Variants in GRIK2 observed in about 807,000 individuals in gnomAD.
GRIK2 encodes the protein glutamate receptor ionotropic, kainate 2.
Under a neutral mutation model 100.3 loss-of-function variants are expected in GRIK2, and 32 were observed. That is an observed-to-expected ratio of 0.32 (90% confidence interval 0.24 to 0.43). The LOEUF (loss-of-function observed/expected upper bound fraction) is 0.43. GRIK2 is among the 20% of genes least tolerant of loss of function. The pLI, the probability that GRIK2 is intolerant of heterozygous loss-of-function variation, is 1.00. For synonymous variants in GRIK2, 417 were observed against 389.4 expected, an observed-to-expected ratio of 1.07 and a Z score of -0.83; for missense variants, 843 against 1,114.9, an observed-to-expected ratio of 0.76 and a Z score of 3.47.
chr6:101,536,711 T>C (rs966309880), intron 2 of GRIK2, among the ~76,000 whole-genome samples: 2 of 151,592 alleles, frequency 1.3e-5, no homozygotes, highest in African/African-American at 4.8e-5. Context: ...TTTAGATAAA[T>C]ATTTACCAAC....
At chr6:101,785,791 G>T (rs975875504) in intron 7 of GRIK2, among the ~76,000 whole-genome samples, 1 of 151,776 alleles carries the variant, frequency 6.6e-6, no homozygotes, top group Non-Finnish European at 1.5e-5. Flanking sequence ...GGATTGCTTT[G>T]GTTATTCAGG....
At chr6:101,867,480 G>A (rs1317530139) in intron 11 of GRIK2, among the ~76,000 whole-genome samples, 1 of 151,582 alleles carries the variant, frequency 6.6e-6, no homozygotes, top group Non-Finnish European at 1.5e-5. Context: ...ATTTAATCCA[G>A]AAACATGGTC....
rs1232401753 is a variant in GRIK2, at chr6:101,409,145, TG to T, written c.115+9754del. Among the ~76,000 whole-genome samples the T allele has an allele frequency of 4.1e-5, 6 of 146,996 alleles. No homozygotes were observed. In the East Asian group the frequency reaches 1.2e-3, roughly 30 times the overall value. ...GTGTGTGTGTGTGTGTGTGTGTGTGTGTGTGTGTACAGTTAAGATTATAATA... is the reference window on the plus strand; with the variant it reads ...GTGTGTGTGTGTGTGTGTGTGTGTGTTGTGTGTACAGTTAAGATTATAATA... On this transcript the variant is annotated intron_variant, in intron 2 of 16. Coordinates refer to ENST00000369134, the MANE Select transcript of GRIK2 (RefSeq NM_021956.5).
At chr6:101,562,930 A>T (rs1203763510) in intron 2 of GRIK2, among the ~76,000 whole-genome samples, 1 of 152,166 alleles carries the variant, frequency 6.6e-6, no homozygotes, top group Non-Finnish European at 1.5e-5. Flanking sequence ...AAACAAAACT[A>T]GTAGATATGA....
At chr6:101,671,070 C>T (rs1219683131) in intron 4 of GRIK2, among the ~76,000 whole-genome samples, 2 of 152,004 alleles carry the variant, frequency 1.3e-5, no homozygotes, top group Non-Finnish European at 2.9e-5. Flanking sequence ...TTTTTATTTT[C>T]TTTATTCACC....
chr6:101,766,837 C>G (rs994125817), intron 7 of GRIK2, among the ~76,000 whole-genome samples: 2 of 152,180 alleles, frequency 1.3e-5, no homozygotes, highest in African/African-American at 4.8e-5. Context: ...CTTTATGATA[C>G]TACTTGATTA....
intron 2 of GRIK2, among the ~76,000 whole-genome samples, chr6:101,510,993 CTT>C (rs1181509771): frequency 6.6e-6 from 1 of 152,086 alleles, no homozygotes; most frequent in Non-Finnish European, 1.5e-5. Context: ...CATGGGGAGA[CTT>C]TATCAAATCA....
intron 9 of GRIK2, among the ~76,000 whole-genome samples, chr6:101,811,472 G>A (rs1398360726): frequency 6.6e-6 from 1 of 151,948 alleles, no homozygotes; most frequent in East Asian, 1.9e-4. Context: ...AATTTTGATA[G>A]ATTTGTATCA....
intron 12 of GRIK2, among the ~76,000 whole-genome samples, chr6:101,917,727 T>C (rs1473857151): frequency 6.6e-6 from 1 of 151,506 alleles, no homozygotes; most frequent in Non-Finnish European, 1.5e-5. Context: ...TATTCTTTTT[T>C]CCCCACAAAT....
At chr6:102,017,831 G>A (rs1045736792) in intron 14 of GRIK2, among the ~76,000 whole-genome samples, 2 of 152,040 alleles carry the variant, frequency 1.3e-5, no homozygotes, top group African/African-American at 4.8e-5. Flanking sequence ...AACCATGAAA[G>A]TCTCATTATT....
intron 7 of GRIK2, among the ~76,000 whole-genome samples, chr6:101,723,356 A>G (rs767814518): frequency 6.6e-6 from 1 of 152,084 alleles, no homozygotes; most frequent in Non-Finnish European, 1.5e-5. Context: ...ACTATGAGTC[A>G]TAGTGGCAAA....
chr6:101,901,534 A>G (rs1013809179), intron 12 of GRIK2, among the ~76,000 whole-genome samples: 17 of 151,852 alleles, frequency 1.1e-4, no homozygotes, highest in Non-Finnish European at 4.4e-5. Flanking sequence ...TAATCTCATA[A>G]CAATAAGGAA....
At chr6:101,493,876 T>C (rs563400639) in intron 2 of GRIK2, among the ~76,000 whole-genome samples, 1 of 148,734 alleles carries the variant, frequency 6.7e-6, no homozygotes, top group South Asian at 2.1e-4. Context: ...AAAAACTATT[T>C]CAAAGTTTTA....
chr6:101,657,962 T>G (rs1253121411), intron 4 of GRIK2, among the ~76,000 whole-genome samples: 1 of 152,116 alleles, frequency 6.6e-6, no homozygotes, highest in East Asian at 1.9e-4. Flanking sequence ...ATAATCTCCT[T>G]TCTATTAGTA....
At chr6:101,514,464 T>C (rs1054461837) in intron 2 of GRIK2, among the ~76,000 whole-genome samples, 1 of 151,788 alleles carries the variant, frequency 6.6e-6, no homozygotes, top group African/African-American at 2.4e-5. Context: ...AAAGAGGAGG[T>C]CCCCCTTAAA....
intron 7 of GRIK2, among the ~76,000 whole-genome samples, chr6:101,740,713 G>T (rs1225756141): frequency 2.0e-5 from 3 of 152,176 alleles, no homozygotes; most frequent in African/African-American, 7.2e-5. Context: ...TGCTTCTTGT[G>T]AGGACCTCTG....
At chr6:102,052,172 A>G (rs1157741470) in intron 15 of GRIK2, among the ~76,000 whole-genome samples, 2 of 152,202 alleles carry the variant, frequency 1.3e-5, no homozygotes, top group Non-Finnish European at 1.5e-5. Context: ...TTGTAGAAAT[A>G]CTTCCAAAGG....
chr6:101,998,218 A>G (rs72968210), intron 14 of GRIK2, among the ~76,000 whole-genome samples: 3,667 of 152,202 alleles, frequency 0.024, 73 homozygotes, highest in Non-Finnish European at 0.034. Context: ...GTGAGCCACA[A>G]TTTAAAACTT....
intron 12 of GRIK2, among the ~76,000 whole-genome samples, chr6:101,918,448 T>G (rs1582532749): frequency 6.6e-6 from 1 of 151,848 alleles, no homozygotes. Flanking sequence ...TGGTAATGTA[T>G]TCCCTCAATG....
Sources: gnomAD v4.1 joint callset for allele counts (sites outside exome capture counted in the v4.1 genomes callset) on GRCh38, gnomAD v4.1.1 for gene constraint, MANE v1.5 for transcripts, NCBI Gene and HGNC (gene_info 2026-07-23, HGNC 2026-07-21) for gene names.